Variants in EXOC4 observed in about 807,000 individuals in gnomAD.
The protein encoded by EXOC4 is SEC8-like 1.
In EXOC4, 71 loss-of-function variants were observed where a neutral mutation model predicts 107.2. The observed-to-expected ratio is 0.66, with a 90% CI of 0.55 to 0.81. EXOC4 has a LOEUF of 0.81. EXOC4 is among the 30% of genes least tolerant of loss of function. EXOC4 has a pLI of 0.00. For missense variants in EXOC4, 1,108 were observed against 1,189.6 expected (o/e 0.93, Z 1.01); for synonymous variants, 456 against 441.2 (o/e 1.03, Z -0.42).
At position 133,820,256 on chromosome 7, in the gene EXOC4, A is replaced by G. The variant is rs114289144; in HGVS notation, c.1734+2712A>G. On this transcript the variant is annotated intron_variant, in intron 11 of 17. Transcript: ENST00000253861. Reference sequence around the variant, plus strand: ...GCAAATTATTTAAACCATATCACTAAGTTTGTTTAATATTCTCAGAGAGAG... The same window carrying G: ...GCAAATTATTTAAACCATATCACTAGGTTTGTTTAATATTCTCAGAGAGAG... Among the ~76,000 whole-genome samples, 352 of 150,468 alleles carry G rather than the reference A, an allele frequency of 2.3e-3. 5 individuals carry two copies. Among genetic ancestry groups the G allele is most frequent in the African/African-American group, 8.0e-3 (328 of 40,938 alleles).
intron 9 of EXOC4, among the ~76,000 whole-genome samples, chr7:133,531,741 A>C (rs908776993): frequency 6.6e-6 from 1 of 152,156 alleles, no homozygotes; most frequent in Non-Finnish European, 1.5e-5. Flanking sequence ...CTTTGCAGTA[A>C]ACCTTACTTT....
chr7:133,759,144 A>ATTTTTTTTTTTT (rs34768347), intron 10 of EXOC4, among the ~76,000 whole-genome samples: 1 of 140,630 alleles, frequency 7.1e-6, no homozygotes, highest in Non-Finnish European at 1.5e-5. Context: ...CAACAAAAGA[A>ATTTTTTTTTTTT]TTTTTTTTTT....
intron 17 of EXOC4, among the ~76,000 whole-genome samples, chr7:134,018,099 T>A (rs753130054): frequency 6.6e-6 from 1 of 152,200 alleles, no homozygotes; most frequent in Non-Finnish European, 1.5e-5. Context: ...GTATTCATCA[T>A]AGTTAGTTAA....
chr7:133,325,614 C>T (rs1795219954), intron 5 of EXOC4, among the ~76,000 whole-genome samples: 1 of 152,164 alleles, frequency 6.6e-6, no homozygotes, highest in Non-Finnish European at 1.5e-5. Flanking sequence ...TTGTGGGTAA[C>T]CCGACCTTTC....
At chr7:133,974,307 T>C (rs2116888140) in intron 14 of EXOC4, among the ~76,000 whole-genome samples, 1 of 152,360 alleles carries the variant, frequency 6.6e-6, no homozygotes, top group Non-Finnish European at 1.5e-5. Context: ...CAGAATCATC[T>C]ATGCCAAATA....
intron 7 of EXOC4, 54 bp downstream of exon 7, chr7:133,375,056 A>G: frequency 7.0e-7 from 1 of 1,433,612 alleles, no homozygotes; most frequent in African/African-American, 1.4e-5. Context: ...AGTTTAGAAT[A>G]ACAACAACAA....
chr7:134,043,700 G>T (rs528855188), intron 17 of EXOC4, among the ~76,000 whole-genome samples: 1 of 152,098 alleles, frequency 6.6e-6, no homozygotes, highest in African/African-American at 2.4e-5. Flanking sequence ...AACTATTAGG[G>T]GCACATTGAG....
chr7:133,990,975 T>C (rs1585305345), intron 14 of EXOC4, among the ~76,000 whole-genome samples: 1 of 152,170 alleles, frequency 6.6e-6, no homozygotes, highest in South Asian at 2.1e-4. Context: ...ATAGTAGTAC[T>C]ATTTTTAGTT....
At chr7:133,639,531 CTTTATTA>C (rs949240824) in intron 10 of EXOC4, among the ~76,000 whole-genome samples, 8 of 151,810 alleles carry the variant, frequency 5.3e-5, no homozygotes, top group African/African-American at 1.9e-4. Flanking sequence ...TTTCTCAGGA[CTTTATTA>C]TTTATTAACC....
rs1800342430 is a variant in EXOC4, at chr7:133,937,977, G to A, written c.2114G>A (p.Ser705Asn). The A allele has an allele frequency of 1.2e-6, 2 of 1,614,178 alleles. No homozygotes were observed. Among genetic ancestry groups the A allele is most frequent in the South Asian group, 2.2e-5 (2 of 91,088 alleles). Reference protein sequence around the residue: ...IPPQDILRDVSDLKALANMHE... With the variant: ...IPPQDILRDVNDLKALANMHE... ...CCACAAGACATCCTTCGTGACGTCA[G>A]TGACCTCAAAGCCTTGGCCAACATG... The change falls in exon 14 of 18, where the codon AGT becomes AAT. Residue 705 changes from serine to asparagine, a missense_variant. Transcript: ENST00000253861.
intron 10 of EXOC4, among the ~76,000 whole-genome samples, chr7:133,759,162 T>TTTA (rs71162026): frequency 2.0e-5 from 3 of 148,792 alleles, no homozygotes; most frequent in African/African-American, 7.5e-5. Flanking sequence ...TTTTTTTTTT[T>TTTA]GTTAGAGATG....
chr7:133,440,854 A>G (rs1798087522), intron 7 of EXOC4, among the ~76,000 whole-genome samples: 1 of 152,200 alleles, frequency 6.6e-6, no homozygotes, highest in Non-Finnish European at 1.5e-5. Flanking sequence ...TAACCATGGA[A>G]GTGGGTAGCT....
chr7:133,418,277 T>C (rs957618277), intron 7 of EXOC4, among the ~76,000 whole-genome samples: 2 of 152,234 alleles, frequency 1.3e-5, no homozygotes, highest in African/African-American at 4.8e-5. Context: ...ATTACTGTAG[T>C]TTCTCTTGCC....
intron 5 of EXOC4, among the ~76,000 whole-genome samples, chr7:133,355,430 T>TG (rs1795999996): frequency 6.6e-6 from 1 of 152,070 alleles, no homozygotes; most frequent in Non-Finnish European, 1.5e-5. Flanking sequence ...TTTTGGCAGT[T>TG]GCGAAACCCG....
intron 7 of EXOC4, among the ~76,000 whole-genome samples, chr7:133,435,797 C>A (rs1013964272): frequency 6.6e-6 from 1 of 152,100 alleles, no homozygotes; most frequent in Non-Finnish European, 1.5e-5. Flanking sequence ...ATCTAGTGAT[C>A]TGTTAATTTC....
At chr7:133,982,642 A>C (rs1434293809) in intron 14 of EXOC4, among the ~76,000 whole-genome samples, 1 of 152,176 alleles carries the variant, frequency 6.6e-6, no homozygotes, top group African/African-American at 2.4e-5. Context: ...ATGTATTAGC[A>C]ATTGTGTGTC....
In EXOC4 at chr7:133,600,785, C is replaced by T. The variant is rs111724152; in HGVS notation, c.1418-29260C>T. 4.0e-3 allele frequency among the ~76,000 whole-genome samples: 611 copies of T among 152,226 alleles called. 3 individuals carry two copies. Among genetic ancestry groups the T allele is most frequent in the African/African-American group, 0.014 (587 of 41,524 alleles). ...ACAGATATGTATCTATGTCTCTAAC[C>T]GGTGCAGAGTTCTAGCTTACAGCAT... On this transcript the variant is annotated intron_variant, in intron 9 of 17. Coordinates refer to ENST00000253861, the MANE Select transcript of EXOC4 (RefSeq NM_021807.4).
At chr7:133,264,610 G>A (rs1793673373) in intron 1 of EXOC4, among the ~76,000 whole-genome samples, 1 of 152,134 alleles carries the variant, frequency 6.6e-6, no homozygotes, top group Non-Finnish European at 1.5e-5. Context: ...CGTATCTTAT[G>A]TGATTATATA....
chr7:133,421,566 T>TG (rs1237956178), intron 7 of EXOC4, among the ~76,000 whole-genome samples: 1 of 152,208 alleles, frequency 6.6e-6, no homozygotes, highest in African/African-American at 2.4e-5. Flanking sequence ...GGCCCACTGC[T>TG]GGGGGCCTGT....
Sources: allele counts gnomAD v4.1 joint callset (sites outside exome capture counted in the v4.1 genomes callset), GRCh38; gene constraint gnomAD v4.1.1; transcripts MANE v1.5; gene names NCBI Gene and HGNC (gene_info 2026-07-23, HGNC 2026-07-21).